Variants in CNNM1 observed in about 807,000 individuals in gnomAD.
The protein encoded by CNNM1 is metal transporter CNNM1.
CNNM1 carries 44 observed loss-of-function variants against 78.8 expected under a neutral mutation model. The observed-to-expected ratio is 0.56, with a 90% confidence interval of 0.44 to 0.72. CNNM1 has a LOEUF of 0.72. Ranked by LOEUF, CNNM1 falls within the 30% of genes least tolerant of loss-of-function variation. The pLI, the probability that CNNM1 is intolerant of heterozygous loss-of-function variation, is 0.00. For missense variants in CNNM1, 1,101 were observed against 1,292.2 expected, an observed-to-expected ratio of 0.85 and a Z score of 2.27; for synonymous variants, 584 against 581.5, an observed-to-expected ratio of 1.00 and a Z score of -0.06.
Position 99,390,346 on chromosome 10 carries a change from G to T in CNNM1, c.2715G>T (p.Glu905Asp). The T allele has an allele frequency of 6.2e-7, 1 of 1,613,354 alleles. No individual in the cohort carries two copies. Among genetic ancestry groups the T allele is most frequent in the Non-Finnish European group, 8.5e-7 (1 of 1,179,682 alleles). Residue 905 changes from glutamate (E) to aspartate (D), a missense_variant, in exon 10 of 11, where the codon GAG (glutamate) becomes GAT (aspartate). This residue lies in a region of CNNM1 where 348 missense variants were observed against 384.5 expected (regional missense o/e 0.90). Transcript: ENST00000356713. ...SECCNINLDT[E>D]TSPCSSDFEE... ...GTTGTAACATCAACCTGGATACAGA[G>T]ACCAGCCCCTGCAGTAGCGATTTTG...
intron 4 of CNNM1, among the ~76,000 whole-genome samples, chr10:99,362,798 T>C (rs1332653368): frequency 1.3e-5 from 2 of 152,154 alleles, no homozygotes; most frequent in Non-Finnish European, 2.9e-5. Flanking sequence ...CTTCTCTCTG[T>C]CAAGTGGAAA....
At chr10:99,365,063 T>C in intron 6 of CNNM1, 61 bp downstream of exon 6, 1 of 1,570,794 alleles carries the variant, frequency 6.4e-7, no homozygotes, top group Non-Finnish European at 8.8e-7. Flanking sequence ...CAGCCCGCTC[T>C]GGGGACCTGG....
At chr10:99,331,044 C>G (rs967086999) in intron 1 of CNNM1, 84 bp downstream of exon 1, 93 of 1,355,658 alleles carry the variant, frequency 6.9e-5, no homozygotes, top group Non-Finnish European at 5.8e-5. Context: ...CTCTAGGTAC[C>G]CAAAGCAATT....
intron 3 of CNNM1, among the ~76,000 whole-genome samples, chr10:99,361,598 A>C (rs1450267153): frequency 2.0e-5 from 3 of 152,214 alleles, no homozygotes; most frequent in Non-Finnish European, 2.9e-5. Flanking sequence ...AAGAGTAGAA[A>C]ATTTTAAGTT....
chr10:99,346,193 G>A (rs773350547), intron 1 of CNNM1, among the ~76,000 whole-genome samples: 5 of 152,148 alleles, frequency 3.3e-5, no homozygotes, highest in Non-Finnish European at 4.4e-5. Context: ...TTCGGGGATC[G>A]TTAATCCGGT....
At chr10:99,333,023 T>C (rs1017572780) in intron 1 of CNNM1, among the ~76,000 whole-genome samples, 1 of 152,194 alleles carries the variant, frequency 6.6e-6, no homozygotes, top group Admixed American at 6.5e-5. Flanking sequence ...CAGTCCAAGA[T>C]CAAGGTGTCT....
Position 99,388,293 on chromosome 10 carries a change from C to G in CNNM1, c.2666C>G (p.Thr889Arg), listed in dbSNP as rs552417987. The change falls in exon 9 of 11, where the codon ACG becomes AGG. Residue 889 changes from threonine to arginine, a missense_variant. Coordinates refer to ENST00000356713, the MANE Select transcript of CNNM1 (RefSeq NM_020348.3). ...ACGCTGTCTCCTGCAGCCGTTCCCA[C>G]GAGAGCAGGTCAGGGAGGCCAGCTG... is the stretch of plus-strand genomic sequence containing the variant. ...QLTLSPAAVP[T>R]RAASDSECCN... 2 of 1,613,314 alleles carry G rather than the reference C, an allele frequency of 1.2e-6. No individual in the cohort carries two copies. The highest frequency in any genetic ancestry group is 3.3e-5 in the Admixed American group (2 of 59,960).
At chr10:99,388,404 C>A in intron 9 of CNNM1, 103 bp downstream of exon 9, 1 of 1,375,632 alleles carries the variant, frequency 7.3e-7, no homozygotes. Flanking sequence ...GGGACCGCAG[C>A]CCGTGCGTTA....
At chr10:99,351,295 C>T (rs1004839846) in intron 1 of CNNM1, among the ~76,000 whole-genome samples, 1 of 152,170 alleles carries the variant, frequency 6.6e-6, no homozygotes, top group African/African-American at 2.4e-5. Context: ...AGTACAGAAG[C>T]CACAAAGAGA....
chr10:99,359,735 C>T (rs2134046897), intron 2 of CNNM1, among the ~76,000 whole-genome samples: 1 of 152,230 alleles, frequency 6.6e-6, no homozygotes, highest in South Asian at 2.1e-4. Context: ...TTCATTCTCA[C>T]TGCATCCACT....
chr10:99,333,428 T>C (rs1185236472), intron 1 of CNNM1, among the ~76,000 whole-genome samples: 4 of 152,202 alleles, frequency 2.6e-5, no homozygotes, highest in African/African-American at 4.8e-5. Context: ...CACTACAAAC[T>C]CTGTCTCCTG....
Position 99,330,976 on chromosome 10 carries a change from T to G in CNNM1, c.1573+16T>G. The G allele has an allele frequency of 1.3e-6, 2 of 1,594,530 alleles. No homozygotes were observed. The highest frequency in any genetic ancestry group is 2.3e-5 in the South Asian group (2 of 88,582). ...TTTAAGAAGGGTGAGCAGTAGTCTATCTTCTCCCCCAACTCCTATCCCCTT... is the reference window on the plus strand; with the variant it reads ...TTTAAGAAGGGTGAGCAGTAGTCTAGCTTCTCCCCCAACTCCTATCCCCTT... On this transcript the variant is annotated intron_variant, in intron 1 of 10. Coordinates refer to ENST00000356713, the MANE Select transcript of CNNM1 (RefSeq NM_020348.3).
chr10:99,366,989 T>C (rs899798615), intron 6 of CNNM1, among the ~76,000 whole-genome samples: 1 of 152,218 alleles, frequency 6.6e-6, no homozygotes, highest in Non-Finnish European at 1.5e-5. Flanking sequence ...TGAGCATCTC[T>C]GTAAATCTTC....
chr10:99,340,793 T>C (rs2030413182), intron 1 of CNNM1, among the ~76,000 whole-genome samples: 1 of 149,888 alleles, frequency 6.7e-6, no homozygotes, highest in Admixed American at 6.6e-5. Context: ...CTTTTCTTTC[T>C]TTCTTACTTT....
At chr10:99,368,259 A>G (rs765195450) in intron 6 of CNNM1, 1 of 240,162 alleles carries the variant, frequency 4.2e-6, no homozygotes, top group Non-Finnish European at 8.4e-6. Context: ...CTTGGTGGGA[A>G]TGCAGCGCTG....
At chr10:99,357,758 C>G in intron 2 of CNNM1, 103 bp downstream of exon 2, 1 of 1,194,242 alleles carries the variant, frequency 8.4e-7, no homozygotes, top group Admixed American at 2.9e-5. Flanking sequence ...AGGGCAAACC[C>G]TGTGCCCTGA....
chr10:99,363,359 T>C (rs1418022116), intron 4 of CNNM1, among the ~76,000 whole-genome samples: 12 of 152,330 alleles, frequency 7.9e-5, no homozygotes, highest in Middle Eastern at 3.4e-3. Context: ...TCCTGTTACA[T>C]TGTTTGTATA....
chr10:99,378,832 C>T (rs962945837), intron 7 of CNNM1, among the ~76,000 whole-genome samples: 6 of 152,172 alleles, frequency 3.9e-5, no homozygotes, highest in African/African-American at 1.4e-4. Context: ...AGAATCCAAG[C>T]CCTGAAGTCA....
Position 99,332,855 on chromosome 10 carries a change from A to G in CNNM1, c.1573+1895A>G, listed in dbSNP as rs570546922. ...ACCCTGTTCAGTCCATCTCGCCTTA[A>G]TCCTTGCATTCATAGTTCCCACTGC... On this transcript the variant is annotated intron_variant, in intron 1 of 10. Coordinates refer to ENST00000356713, the MANE Select transcript of CNNM1 (RefSeq NM_020348.3). 3.9e-5 allele frequency among the ~76,000 whole-genome samples: 6 copies of G among 152,242 alleles called. No individual in the cohort carries two copies. The South Asian group carries it at 1.2e-3, about 32-fold the overall frequency.
Sources: allele counts gnomAD v4.1 joint callset (sites outside exome capture counted in the v4.1 genomes callset), GRCh38; gene constraint gnomAD v4.1.1; regional missense constraint gnomAD v4.1.1; transcripts MANE v1.5; gene names NCBI Gene and HGNC (gene_info 2026-07-23, HGNC 2026-07-21).